ST8SIA6: variants seen among roughly 807,000 people sequenced by gnomAD.
The protein encoded by ST8SIA6 is alpha-2,8-sialyltransferase 8F.
Under a neutral mutation model 33.6 loss-of-function variants are expected in ST8SIA6, and 39 were observed. That is an observed-to-expected ratio of 1.16 (90% CI 0.90 to 1.52). ST8SIA6 has a LOEUF of 1.52. Ranked by LOEUF, ST8SIA6 falls within the 40% of genes most tolerant of loss-of-function variation. The pLI is 0.00. For synonymous variants in ST8SIA6, 172 were observed against 167.2 expected (o/e 1.03, Z -0.22); for missense variants, 441 against 443.8 (o/e 0.99, Z 0.06).
intron 4 of ST8SIA6, among the ~76,000 whole-genome samples, chr10:17,358,972 G>T (rs1292084604): frequency 6.6e-6 from 1 of 152,108 alleles, no homozygotes; most frequent in Non-Finnish European, 1.5e-5. Flanking sequence ...GTCTGGATGG[G>T]CTACAAGTTT....
Position 17,323,246 on chromosome 10 carries a change from C to G in ST8SIA6, c.636-89G>C, listed in dbSNP as rs1403808783. On this transcript the variant is annotated intron_variant, in intron 6 of 7. Coordinates refer to ENST00000377602, the MANE Select transcript of ST8SIA6 (RefSeq NM_001004470.3). ...ATATGCGCGCACACACACACACACA[C>G]ACACCTATCTATAATAATTGTTCTT... The G allele has an allele frequency of 5.1e-6, 4 of 776,744 alleles. No individual in the cohort carries two copies. In the East Asian group the frequency reaches 1.0e-4, roughly 20 times the overall value. 48.1% of individuals were successfully genotyped at this position (776,744 alleles called of 1,614,324 possible).
intron 4 of ST8SIA6, among the ~76,000 whole-genome samples, chr10:17,346,673 A>G (rs577688879): frequency 9.2e-5 from 14 of 152,304 alleles, no homozygotes; most frequent in Admixed American, 1.3e-4. Flanking sequence ...ATATGAAATC[A>G]CTGTTTTAAG....
intron 3 of ST8SIA6, among the ~76,000 whole-genome samples, chr10:17,373,067 A>C (rs1214316909): frequency 1.3e-5 from 2 of 152,068 alleles, no homozygotes; most frequent in African/African-American, 4.8e-5. Flanking sequence ...CGGCTGCAAG[A>C]AAAAACACAC....
intron 3 of ST8SIA6, among the ~76,000 whole-genome samples, chr10:17,377,296 G>C (rs1470143317): frequency 1.3e-5 from 2 of 151,794 alleles, no homozygotes; most frequent in African/African-American, 4.8e-5. Context: ...CTCTCCCTTT[G>C]CTGACTCCCT....
chr10:17,439,700 G>A (rs1034094311), intron 2 of ST8SIA6, among the ~76,000 whole-genome samples: 4 of 152,224 alleles, frequency 2.6e-5, no homozygotes, highest in East Asian at 1.9e-4. Flanking sequence ...CGTGTCTGTC[G>A]CCTCCTGCAC....
chr10:17,387,636 T>A (rs989498031), intron 3 of ST8SIA6, among the ~76,000 whole-genome samples: 10 of 152,198 alleles, frequency 6.6e-5, no homozygotes, highest in African/African-American at 2.2e-4. Context: ...ACTGGACTGC[T>A]GTCACATCGA....
chr10:17,351,286 T>A (rs571887924), intron 4 of ST8SIA6, among the ~76,000 whole-genome samples: 1 of 151,910 alleles, frequency 6.6e-6, no homozygotes, highest in African/African-American at 2.4e-5. Flanking sequence ...CAAGACTAGA[T>A]ATCCAGTTCC....
At chr10:17,364,878 T>A (rs1288328240) in intron 3 of ST8SIA6, among the ~76,000 whole-genome samples, 8 of 152,198 alleles carry the variant, frequency 5.3e-5, no homozygotes, top group Non-Finnish European at 1.2e-4. Flanking sequence ...TCTTGGGAGG[T>A]AGCTCTGCTT....
chr10:17,374,650 G>A (rs987506841), intron 3 of ST8SIA6, among the ~76,000 whole-genome samples: 1 of 150,200 alleles, frequency 6.7e-6, no homozygotes, highest in Non-Finnish European at 1.5e-5. Flanking sequence ...GGAGGCAGAG[G>A]TTGCAGTGAG....
At chr10:17,437,878 G>A in intron 2 of ST8SIA6, among the ~76,000 whole-genome samples, 2 of 152,048 alleles carry the variant, frequency 1.3e-5, no homozygotes, top group Admixed American at 1.3e-4. Context: ...CTACAGGTGG[G>A]CACCACCATG....
At chr10:17,369,142 T>C (rs926065089) in intron 3 of ST8SIA6, among the ~76,000 whole-genome samples, 7 of 152,232 alleles carry the variant, frequency 4.6e-5, no homozygotes, top group African/African-American at 1.7e-4. Flanking sequence ...TACTGTTAAG[T>C]GGTTGTTATA....
intron 4 of ST8SIA6, among the ~76,000 whole-genome samples, chr10:17,333,060 T>C (rs1414669245): frequency 6.6e-6 from 1 of 152,038 alleles, no homozygotes; most frequent in Non-Finnish European, 1.5e-5. Flanking sequence ...TAGTTTAAAA[T>C]CAATGTGCAA....
In ST8SIA6 at chr10:17,318,102, C is replaced by T. The variant is rs1361109181; in HGVS notation, c.*2776G>A. ...ATATTGGAATCTTGTTATTCTGTTT[C>T]ATTGCTCAATGAGGCTGAACAACAA... On this transcript the variant is annotated 3_prime_UTR_variant, in exon 8 of 8. Coordinates refer to ENST00000377602, the MANE Select transcript of ST8SIA6 (RefSeq NM_001004470.3). Among the ~76,000 whole-genome samples, 3 of 152,144 alleles carry T rather than the reference C, an allele frequency of 2.0e-5. No homozygotes were observed. Among genetic ancestry groups the T allele is most frequent in the Non-Finnish European group, 4.4e-5 (3 of 68,012 alleles).
intron 2 of ST8SIA6, among the ~76,000 whole-genome samples, chr10:17,426,520 G>A (rs947560212): frequency 6.6e-5 from 10 of 152,178 alleles, no homozygotes; most frequent in African/African-American, 2.4e-4. Flanking sequence ...ACACTTGTCA[G>A]TCATTAATTG....
At chr10:17,391,258 T>C in intron 2 of ST8SIA6, among the ~76,000 whole-genome samples, 1 of 150,822 alleles carries the variant, frequency 6.6e-6, no homozygotes, top group Admixed American at 6.6e-5. Context: ...ATTTTATTTT[T>C]ATTTATTTAT....
chr10:17,365,046 C>A (rs1849514606), intron 3 of ST8SIA6, among the ~76,000 whole-genome samples: 1 of 152,168 alleles, frequency 6.6e-6, no homozygotes, highest in African/African-American at 2.4e-5. Flanking sequence ...TGTATCTCAT[C>A]TATTTTCATA....
intron 2 of ST8SIA6, among the ~76,000 whole-genome samples, chr10:17,443,778 T>C (rs1852594205): frequency 6.6e-6 from 1 of 152,188 alleles, no homozygotes; most frequent in Non-Finnish European, 1.5e-5. Context: ...ATCTTCCTAA[T>C]GGCAAAGGAA....
At chr10:17,356,134 A>G (rs1427541150) in intron 4 of ST8SIA6, among the ~76,000 whole-genome samples, 1 of 152,192 alleles carries the variant, frequency 6.6e-6, no homozygotes, top group East Asian at 1.9e-4. Flanking sequence ...GTTCAGTAAG[A>G]AAACATGACA....
chr10:17,363,691 A>G (rs1218775832), intron 3 of ST8SIA6, among the ~76,000 whole-genome samples: 1 of 152,210 alleles, frequency 6.6e-6, no homozygotes, highest in Non-Finnish European at 1.5e-5. Flanking sequence ...AGGTTATTAA[A>G]CTATTGGTAG....
Sources: gnomAD v4.1 joint callset for allele counts (sites outside exome capture counted in the v4.1 genomes callset) on GRCh38, gnomAD v4.1.1 for gene constraint, MANE v1.5 for transcripts, NCBI Gene and HGNC (gene_info 2026-07-23, HGNC 2026-07-21) for gene names.